SEMA3E: variants seen among roughly 807,000 people sequenced by gnomAD.
The protein encoded by SEMA3E is semaphorin-3E.
In SEMA3E, 49 loss-of-function variants were observed where a neutral mutation model predicts 93.6. The ratio of observed to expected loss-of-function variants is 0.52; its 90% CI spans 0.42 to 0.66. The LOEUF (loss-of-function observed/expected upper bound fraction) is 0.66, where lower values mean the gene tolerates loss of function less well. Ranked by LOEUF, SEMA3E falls within the 30% of genes least tolerant of loss-of-function variation. The pLI is 0.00. For synonymous variants in SEMA3E, 363 were observed against 330.7 expected, an observed-to-expected ratio of 1.10 and a Z score of -1.06; for missense variants, 906 against 964.8, an observed-to-expected ratio of 0.94 and a Z score of 0.81.
chr7:83,410,678 A>C (rs962505416), intron 5 of SEMA3E, among the ~76,000 whole-genome samples: 3 of 152,124 alleles, frequency 2.0e-5, no homozygotes, highest in African/African-American at 2.4e-5. Flanking sequence ...CCTGGAATTC[A>C]GTCTGCATTA....
At chr7:83,608,246 A>G (rs1429985937) in intron 1 of SEMA3E, among the ~76,000 whole-genome samples, 2 of 152,062 alleles carry the variant, frequency 1.3e-5, no homozygotes, top group Admixed American at 6.6e-5. Flanking sequence ...TTTTAGCTTC[A>G]TTCAACAGAA....
intron 4 of SEMA3E, among the ~76,000 whole-genome samples, chr7:83,456,546 C>T (rs974819803): frequency 5.3e-5 from 8 of 151,454 alleles, no homozygotes; most frequent in African/African-American, 1.9e-4. Flanking sequence ...CTTCTTTCAG[C>T]ATTCTTAGAC....
chr7:83,606,634 G>T (rs1158338408), intron 1 of SEMA3E, among the ~76,000 whole-genome samples: 1 of 130,116 alleles, frequency 7.7e-6, no homozygotes, highest in Non-Finnish European at 1.6e-5. Flanking sequence ...AGGGGGGAGG[G>T]ATAGCATTGG....
At chr7:83,588,278 G>T (rs992551451) in intron 1 of SEMA3E, among the ~76,000 whole-genome samples, 17 of 152,078 alleles carry the variant, frequency 1.1e-4, no homozygotes, top group African/African-American at 3.9e-4. Context: ...GCTACTCGGA[G>T]GCTGAGGCAG....
rs551687182 is a variant in SEMA3E, at chr7:83,648,713, T to C, written c.-171A>G. On this transcript the variant is annotated 5_prime_UTR_variant, in exon 1 of 17. Coordinates refer to ENST00000643230, the MANE Select transcript of SEMA3E (RefSeq NM_012431.3). ...ATTTGTCAGGCTGTATTTGGCTATG[T>C]AAAACCTTTCTTTCCTCGGGACAGT... The C allele has an allele frequency of 2.9e-6, 2 of 679,404 alleles. No homozygotes were observed. The highest frequency in any genetic ancestry group is 2.1e-5 in the Admixed American group (1 of 47,840). 42.1% of individuals were successfully genotyped at this position (679,404 alleles called of 1,614,324 possible).
rs1428378413 is a variant in SEMA3E at position 83,405,538 on chromosome 7, T to C, written c.929-19A>G. ...ACGTCCTCTGAAAAATTAAAGGCCA[T>C]TCCATCGCTTAGTATTTTTAGCTCT... is the stretch of plus-strand genomic sequence containing the variant. On this transcript the variant is annotated intron_variant, in intron 8 of 16. Coordinates refer to ENST00000643230, the MANE Select transcript of SEMA3E (RefSeq NM_012431.3). 6.5e-7 allele frequency: 1 copy of C among 1,545,486 alleles called. No homozygotes were observed. Among genetic ancestry groups the C allele is most frequent in the Non-Finnish European group, 8.9e-7 (1 of 1,118,736 alleles).
intron 4 of SEMA3E, among the ~76,000 whole-genome samples, chr7:83,456,429 T>TA (rs996954661): frequency 6.6e-6 from 1 of 152,002 alleles, no homozygotes; most frequent in African/African-American, 2.4e-5. Flanking sequence ...AATCCCCCCA[T>TA]AAAAACAGAG....
chr7:83,393,805 C>A (rs953611724), intron 13 of SEMA3E, among the ~76,000 whole-genome samples: 1 of 152,080 alleles, frequency 6.6e-6, no homozygotes, highest in African/African-American at 2.4e-5. Context: ...TGTTTCCTTG[C>A]ACACTATTGG....
intron 1 of SEMA3E, among the ~76,000 whole-genome samples, chr7:83,530,576 T>G (rs1791268543): frequency 6.6e-6 from 1 of 152,198 alleles, no homozygotes; most frequent in Admixed American, 6.5e-5. Context: ...TATATTCTTT[T>G]TAAAAATATT....
chr7:83,638,429 T>G (rs1793924339), intron 1 of SEMA3E, among the ~76,000 whole-genome samples: 1 of 152,218 alleles, frequency 6.6e-6, no homozygotes, highest in Non-Finnish European at 1.5e-5. Flanking sequence ...TAAAATGCTT[T>G]TCCATGATCG....
intron 1 of SEMA3E, among the ~76,000 whole-genome samples, chr7:83,612,074 G>T (rs1793277783): frequency 6.6e-6 from 1 of 152,014 alleles, no homozygotes; most frequent in South Asian, 2.1e-4. Flanking sequence ...TTCCTTCCAG[G>T]TTTCCAAATT....
intron 2 of SEMA3E, among the ~76,000 whole-genome samples, chr7:83,478,863 C>T (rs114111782): frequency 0.012 from 1,753 of 152,294 alleles, 31 homozygotes; most frequent in African/African-American, 0.04. Context: ...TCAGTGATGG[C>T]TTCTAATACA....
At chr7:83,433,167 A>T (rs986717424) in intron 4 of SEMA3E, among the ~76,000 whole-genome samples, 7 of 152,138 alleles carry the variant, frequency 4.6e-5, no homozygotes, top group African/African-American at 7.2e-5. Flanking sequence ...TGTTGCAAAG[A>T]TTATATGATG....
chr7:83,646,056 C>T (rs1794075665), intron 1 of SEMA3E, among the ~76,000 whole-genome samples: 1 of 151,972 alleles, frequency 6.6e-6, no homozygotes. Context: ...CTGAATTATT[C>T]TAGTAGGCTA....
intron 13 of SEMA3E, among the ~76,000 whole-genome samples, chr7:83,393,035 ATC>A (rs1562760454): frequency 6.2e-5 from 8 of 128,338 alleles, no homozygotes; most frequent in Admixed American, 5.3e-4. Context: ...GAGAAACTCC[ATC>A]TCAAAAAAAA....
intron 1 of SEMA3E, among the ~76,000 whole-genome samples, chr7:83,582,859 G>T (rs10046477): frequency 0.22 from 33,286 of 151,504 alleles, 3,759 homozygotes; most frequent in Middle Eastern, 0.29. Flanking sequence ...CATAAGTAAT[G>T]AAAAATATTT....
chr7:83,561,569 T>A (rs973506035), intron 1 of SEMA3E, among the ~76,000 whole-genome samples: 2 of 152,122 alleles, frequency 1.3e-5, no homozygotes, highest in Non-Finnish European at 2.9e-5. Context: ...TTAAGCTGCT[T>A]TTTTTAAGCA....
chr7:83,484,412 C>T lies in SEMA3E; in HGVS notation c.276+5702G>A, dbSNP rs980018347. On this transcript the variant is annotated intron_variant, in intron 2 of 16. Transcript: ENST00000643230. ...ATATGTTTTCACCTAGCTTACTATC[C>T]TTCTCTTCACATAGATGATTCATCA... is the stretch of plus-strand genomic sequence containing the variant. Among the ~76,000 whole-genome samples, 4 of 152,104 alleles carry T rather than the reference C, an allele frequency of 2.6e-5. No homozygotes were observed. The East Asian group carries it at 7.7e-4, about 29-fold the overall frequency.
chr7:83,391,255 C>G (rs927342334), intron 14 of SEMA3E, among the ~76,000 whole-genome samples: 1 of 152,044 alleles, frequency 6.6e-6, no homozygotes, highest in Non-Finnish European at 1.5e-5. Flanking sequence ...ATATGCATTG[C>G]TCTTAATCCA....
Sources: allele counts gnomAD v4.1 joint callset (sites outside exome capture counted in the v4.1 genomes callset), GRCh38; gene constraint gnomAD v4.1.1; transcripts MANE v1.5; gene names NCBI Gene and HGNC (gene_info 2026-07-23, HGNC 2026-07-21).